RBFOX1: variants seen among roughly 807,000 people sequenced by gnomAD.
RBFOX1 encodes RNA binding protein fox-1 homolog 1.
RBFOX1 carries 8 observed loss-of-function variants against 57.7 expected under a neutral mutation model. That is an observed-to-expected ratio of 0.14 (90% CI 0.08 to 0.25). RBFOX1 has a LOEUF of 0.25. Ranked by LOEUF, RBFOX1 falls within the 10% of genes least tolerant of loss-of-function variation. The pLI, the probability that RBFOX1 is intolerant of heterozygous loss-of-function variation, is 1.00. For missense variants in RBFOX1, 611 were observed against 548.5 expected (o/e 1.11, Z -1.14); for synonymous variants, 326 against 222.4 (o/e 1.47, Z -4.15).
chr16:7,036,179 C>T (rs1003295548), intron 3 of RBFOX1, among the ~76,000 whole-genome samples: 1 of 149,642 alleles, frequency 6.7e-6, no homozygotes, highest in Non-Finnish European at 1.5e-5. Flanking sequence ...GAATTGGTCC[C>T]ATGGGACTTA....
At chr16:5,658,397 C>T (rs1029072291) in intron 3 of RBFOX1, among the ~76,000 whole-genome samples, 9 of 152,126 alleles carry the variant, frequency 5.9e-5, no homozygotes, top group Non-Finnish European at 7.4e-5. Context: ...TGAGTGGCCA[C>T]GTTCCAGGGT....
intron 4 of RBFOX1, among the ~76,000 whole-genome samples, chr16:5,966,571 C>T (rs186420649): frequency 6.6e-6 from 1 of 152,346 alleles, no homozygotes; most frequent in East Asian, 1.9e-4. Context: ...AATTCTGCCT[C>T]AGCCTCCCAA....
chr16:6,652,681 C>T (rs192346833), intron 2 of RBFOX1, among the ~76,000 whole-genome samples: 1 of 152,108 alleles, frequency 6.6e-6, no homozygotes, highest in Admixed American at 6.5e-5. Context: ...GCATTCCTAG[C>T]CGACTCATAC....
At chr16:5,343,045 A>T (rs2065065380) in intron 1 of RBFOX1, among the ~76,000 whole-genome samples, 1 of 152,190 alleles carries the variant, frequency 6.6e-6, no homozygotes. Flanking sequence ...CACATTAATC[A>T]ATAAGGAGTG....
intron 3 of RBFOX1, among the ~76,000 whole-genome samples, chr16:5,738,100 T>C (rs1166705981): frequency 6.7e-6 from 1 of 148,908 alleles, no homozygotes; most frequent in Non-Finnish European, 1.5e-5. Context: ...AGTGAGAACA[T>C]GCAGTGTTTG....
In RBFOX1 at chr16:6,443,883, C is replaced by G. The variant is rs556845938; in HGVS notation, c.-64+126826C>G. Among the ~76,000 whole-genome samples, 5 of 152,210 alleles carry G rather than the reference C, an allele frequency of 3.3e-5. No homozygotes were observed. The South Asian group carries it at 8.3e-4, about 25-fold the overall frequency. On this transcript the variant is annotated intron_variant, in intron 2 of 15. Transcript: ENST00000550418. The stretch of plus-strand genomic sequence containing the variant: ...CCATCCATCCATCCCTCCATCCATG[C>G]ACTCATTCAATTAACATTTATTGAA...
chr16:5,695,364 C>G (rs1488980074), intron 3 of RBFOX1, among the ~76,000 whole-genome samples: 1 of 152,130 alleles, frequency 6.6e-6, no homozygotes, highest in Non-Finnish European at 1.5e-5. Context: ...GAAAGAGCCA[C>G]AGCAATAAGA....
intron 4 of RBFOX1, among the ~76,000 whole-genome samples, chr16:7,274,567 C>G (rs961434454): frequency 6.6e-6 from 1 of 152,180 alleles, no homozygotes; most frequent in Non-Finnish European, 1.5e-5. Context: ...TTAAACTAAT[C>G]ACTTCTCTCT....
At chr16:7,115,454 G>C (rs1261040816) in intron 4 of RBFOX1, among the ~76,000 whole-genome samples, 1 of 152,134 alleles carries the variant, frequency 6.6e-6, no homozygotes, top group East Asian at 1.9e-4. Flanking sequence ...TAGTTGCTGT[G>C]GACTGAGAGT....
In RBFOX1 at chr16:5,776,506, G is replaced by T. The variant is rs118096022; in HGVS notation, c.319-90797G>T. Among the ~76,000 whole-genome samples, 12 of 152,288 alleles carry T rather than the reference G, an allele frequency of 7.9e-5. No homozygotes were observed. In the South Asian group the frequency reaches 1.5e-3, roughly 18 times the overall value. On this transcript the variant is annotated intron_variant, in intron 3 of 19. Coordinates refer to the RBFOX1 transcript ENST00000641259. ...AGTCTTCCAGTCTAAAAGGGAAATG[G>T]TAATAATAATAAGGGTTGGTATTTA... is the stretch of plus-strand genomic sequence containing the variant.
intron 4 of RBFOX1, among the ~76,000 whole-genome samples, chr16:7,223,728 AAAAG>A (rs1422531057): frequency 1.3e-5 from 2 of 150,936 alleles, no homozygotes; most frequent in Admixed American, 6.6e-5. Context: ...AAAAAAAAAA[AAAAG>A]AAAAAGAAAT....
intron 1 of RBFOX1, among the ~76,000 whole-genome samples, chr16:6,036,874 A>C (rs897991066): frequency 6.6e-6 from 1 of 152,254 alleles, no homozygotes; most frequent in Non-Finnish European, 1.5e-5. Context: ...ACAAAAAAGT[A>C]AGAGCCCATC....
chr16:7,509,390 C>CTGTGTGTGTG lies in RBFOX1; in HGVS notation c.28-8725_28-8716dup, dbSNP rs34760329. Among the ~76,000 whole-genome samples the CTGTGTGTGTG allele has an allele frequency of 2.0e-3, 285 of 145,140 alleles. 1 individual carries two copies. The highest frequency in any genetic ancestry group is 0.014 in the East Asian group (68 of 4,862). On this transcript the variant is annotated intron_variant, in intron 4 of 15. Transcript: ENST00000550418. ...CATAATGTGTACTAGGAGCCAAGCCCTGTGTGTGTGTGTGTGTGTGTGTGT... is the reference window on the plus strand; with the variant it reads ...CATAATGTGTACTAGGAGCCAAGCCCTGTGTGTGTGTGTGTGTGTGTGTGTGTGTGTGTGT...
chr16:6,565,262 T>TTTTC (rs386384129), intron 2 of RBFOX1, among the ~76,000 whole-genome samples: 31 of 38,266 alleles, frequency 8.1e-4, no homozygotes, highest in East Asian at 4.4e-3. Flanking sequence ...TTTTCTTTTC[T>TTTTC]TTTTTTTTGT....
Position 7,486,663 on chromosome 16 carries a change from G to A in RBFOX1, c.28-31484G>A, listed in dbSNP as rs934409500. ...TTAATGGCACCCAGGCTTGATAGAA[G>A]GTATGTGTTATGATCTGGGTGGTAT... On this transcript the variant is annotated intron_variant, in intron 4 of 15. Coordinates refer to ENST00000550418, the MANE Select transcript of RBFOX1 (RefSeq NM_018723.4). Among the ~76,000 whole-genome samples, 6 of 152,232 alleles carry A rather than the reference G, an allele frequency of 3.9e-5. No individual in the cohort carries two copies. In the South Asian group the frequency reaches 1.0e-3, roughly 26 times the overall value.
intron 1 of RBFOX1, among the ~76,000 whole-genome samples, chr16:6,159,040 T>G (rs2152740758): frequency 6.6e-6 from 1 of 152,114 alleles, no homozygotes; most frequent in East Asian, 1.9e-4. Context: ...GGAGCTGGGA[T>G]TATAGGCACC....
intron 4 of RBFOX1, among the ~76,000 whole-genome samples, chr16:7,278,991 C>G (rs2095492310): frequency 1.3e-5 from 2 of 151,662 alleles, no homozygotes; most frequent in South Asian, 4.2e-4. Context: ...GATTATATTT[C>G]TCTTAAGAGC....
At chr16:6,880,397 T>G (rs145213823) in intron 3 of RBFOX1, among the ~76,000 whole-genome samples, 5 of 152,322 alleles carry the variant, frequency 3.3e-5, no homozygotes, top group African/African-American at 1.2e-4. Flanking sequence ...CCCACCGCCC[T>G]GTTGCAGGAA....
At chr16:5,375,650 A>T (rs533668655) in intron 1 of RBFOX1, among the ~76,000 whole-genome samples, 1 of 152,310 alleles carries the variant, frequency 6.6e-6, no homozygotes, top group East Asian at 1.9e-4. Context: ...TCCAGTATTT[A>T]TGAAGCACCA....
Sources: allele counts gnomAD v4.1 joint callset (sites outside exome capture counted in the v4.1 genomes callset), GRCh38; gene constraint gnomAD v4.1.1; transcripts MANE v1.5; gene names NCBI Gene and HGNC (gene_info 2026-07-23, HGNC 2026-07-21).